KLHL7: variants seen among roughly 807,000 people sequenced by gnomAD.
KLHL7 encodes kelch-like protein 7.
A neutral mutation model predicts 67.4 loss-of-function variants in KLHL7; 44 were observed. The observed-to-expected ratio is 0.65, with a 90% CI of 0.51 to 0.84. The LOEUF (loss-of-function observed/expected upper bound fraction) is 0.84. KLHL7 is among the 40% of genes least tolerant of loss of function. The pLI, the probability that KLHL7 is intolerant of heterozygous loss-of-function variation, is 0.00. For missense variants in KLHL7, 362 were observed against 718.1 expected, an observed-to-expected ratio of 0.50 and a Z score of 5.67; for synonymous variants, 252 against 243.3, an observed-to-expected ratio of 1.04 and a Z score of -0.33.
intron 4 of KLHL7, chr7:23,125,740 G>A: frequency 6.8e-7 from 1 of 1,473,758 alleles, no homozygotes; most frequent in Non-Finnish European, 9.0e-7. Context: ...TATTAATAAA[G>A]TATTTTCTAT....
chr7:23,123,629 T>A (rs1783441691), intron 1 of KLHL7, 148 bp from the exon 2 acceptor site: 4 of 647,212 alleles, frequency 6.2e-6, no homozygotes, highest in Non-Finnish European at 8.1e-6. Flanking sequence ...CCTTTCTAAA[T>A]ATGTCTTCAA....
At chr7:23,169,898 T>C (rs111842108) in intron 9 of KLHL7, among the ~76,000 whole-genome samples, 2,709 of 152,216 alleles carry the variant, frequency 0.018, 62 homozygotes, top group African/African-American at 0.056. Context: ...AAATAAATGT[T>C]ATATTATTTC....
intron 1 of KLHL7, chr7:23,117,726 T>A: frequency 9.5e-7 from 1 of 1,050,548 alleles, no homozygotes; most frequent in Non-Finnish European, 1.3e-6. Flanking sequence ...TTTTAATGTT[T>A]CTTAGCCTTT....
intron 1 of KLHL7, among the ~76,000 whole-genome samples, chr7:23,109,608 AC>A (rs773264295): frequency 6.6e-6 from 1 of 152,206 alleles, no homozygotes; most frequent in East Asian, 1.9e-4. Flanking sequence ...TGGGCAGTTA[AC>A]TGGGCTCACC....
chr7:23,155,078 A>G (rs1406079), intron 7 of KLHL7, among the ~76,000 whole-genome samples: 139,007 of 152,236 alleles, frequency 0.91, 63,779 homozygotes, highest in East Asian at 0.99. Flanking sequence ...GACTGTCCCT[A>G]TTGGCCCGCT....
chr7:23,166,605 C>T (rs1388479602), intron 8 of KLHL7, among the ~76,000 whole-genome samples: 2 of 152,126 alleles, frequency 1.3e-5, no homozygotes, highest in African/African-American at 2.4e-5. Flanking sequence ...ACTAGGGAGA[C>T]CGTAAATGGT....
At chr7:23,156,274 G>A in intron 7 of KLHL7, 1 of 199,130 alleles carries the variant, frequency 5.0e-6, no homozygotes, top group Non-Finnish European at 1.0e-5. Flanking sequence ...AATATTGACA[G>A]AAAAAGAAGT....
intron 4 of KLHL7, chr7:23,129,397 G>A (rs551178756): frequency 2.3e-4 from 91 of 387,388 alleles, no homozygotes; most frequent in South Asian, 2.0e-3. Context: ...GTTACGACTC[G>A]GCTGGCCCTT....
At position 23,165,812 on chromosome 7, in the gene KLHL7, C is replaced by T. The variant is rs746612410; in HGVS notation, c.1051C>T (p.Arg351Ter). The change falls in exon 8 of 11, where the codon CGA (arginine) becomes TGA (stop). Residue 351 changes from arginine (R) to a stop codon, truncating the protein, a stop_gained. Transcript: ENST00000339077. LOFTEE classifies it high-confidence loss of function. ...LGGSQLFPIKRMDCYNVVKDS... is the reference protein window; with the variant it reads ...LGGSQLFPIK ...AGGCTCTCAGCTTTTCCCAATAAAGCGAATGGACTGCTATAATGTAGTGAA... is the reference window on the plus strand; with the variant it reads ...AGGCTCTCAGCTTTTCCCAATAAAGTGAATGGACTGCTATAATGTAGTGAA... 1.4e-5 allele frequency: 22 copies of T among 1,613,976 alleles called. No individual in the cohort carries two copies. The highest frequency in any genetic ancestry group is 1.8e-5 in the Non-Finnish European group (21 of 1,180,008).
At chr7:23,157,459 T>G (rs915490736) in intron 7 of KLHL7, among the ~76,000 whole-genome samples, 1 of 152,178 alleles carries the variant, frequency 6.6e-6, no homozygotes, top group Non-Finnish European at 1.5e-5. Context: ...TCTCTGCAGT[T>G]TGTGCATGAA....
At chr7:23,170,220 C>T (rs934483156) in intron 9 of KLHL7, among the ~76,000 whole-genome samples, 1 of 151,994 alleles carries the variant, frequency 6.6e-6, no homozygotes, top group African/African-American at 2.4e-5. Flanking sequence ...GTCTCAAAAA[C>T]AAAAACAAAA....
intron 4 of KLHL7, among the ~76,000 whole-genome samples, chr7:23,136,088 G>T (rs1180408090): frequency 6.6e-6 from 1 of 152,154 alleles, no homozygotes; most frequent in Non-Finnish European, 1.5e-5. Context: ...AGACCATAGG[G>T]CAGAGATCAA....
At chr7:23,121,961 C>G (rs1301482910) in intron 1 of KLHL7, among the ~76,000 whole-genome samples, 2 of 152,130 alleles carry the variant, frequency 1.3e-5, no homozygotes, top group African/African-American at 2.4e-5. Flanking sequence ...GGATTACAGG[C>G]ATGAGTCGCT....
intron 1 of KLHL7, among the ~76,000 whole-genome samples, chr7:23,122,967 G>A (rs10271613): frequency 0.43 from 65,910 of 151,916 alleles, 15,737 homozygotes; most frequent in African/African-American, 0.64. Context: ...CTTTAACTTC[G>A]TTAAGAAATT....
chr7:23,129,464 C>T (rs944130394), intron 4 of KLHL7: 68 of 338,798 alleles, frequency 2.0e-4, no homozygotes, highest in African/African-American at 1.3e-3. Flanking sequence ...CTGCCATAGG[C>T]AGAAGCCCTA....
intron 4 of KLHL7, among the ~76,000 whole-genome samples, chr7:23,127,548 A>G (rs1308253862): frequency 6.6e-6 from 1 of 151,982 alleles, no homozygotes; most frequent in Non-Finnish European, 1.5e-5. Context: ...CTTAGTTTTC[A>G]CCACCTGTCA....
In KLHL7 at chr7:23,173,038, T is replaced by C. The variant is rs771896666; in HGVS notation, c.1470T>C (p.Asn490=). 1 of 1,611,118 alleles carries C rather than the reference T, an allele frequency of 6.2e-7. No individual in the cohort carries two copies. Among genetic ancestry groups the C allele is most frequent in the South Asian group, 1.1e-5 (1 of 91,016 alleles). The change falls in exon 10 of 11, where the codon AAT becomes AAC. Residue 490 remains asparagine (N), a synonymous_variant. Coordinates refer to ENST00000339077, the MANE Select transcript of KLHL7 (RefSeq NM_001031710.3). ...KDKIFAVGGQ[N]GLGGLDNVEY... ...AGATATTTGCTGTGGGTGGTCAGAA[T>C]GGTTTAGGTATGTGATGTTAATTCA...
intron 9 of KLHL7, 126 bp downstream of exon 9, chr7:23,168,163 T>C: frequency 1.2e-6 from 1 of 864,402 alleles, no homozygotes; most frequent in Non-Finnish European, 1.9e-6. Flanking sequence ...ATATAAACTT[T>C]TGAGTGTGCT....
rs1028226813 is a variant in KLHL7, at chr7:23,123,974, G to A, written c.223+95G>A. 5.5e-6 allele frequency: 5 copies of A among 907,740 alleles called. No individual in the cohort carries two copies. The Admixed American group carries it at 1.0e-4, about 18-fold the overall frequency. The allele number at this position is 907,740 out of a possible 1,614,324, so 56.2% of individuals were successfully genotyped here. A position where few individuals can be genotyped will look rare whatever the true frequency, so the allele number is the denominator to read the frequency against. On this transcript the variant is annotated intron_variant, in intron 2 of 10. Coordinates refer to ENST00000339077, the MANE Select transcript of KLHL7 (RefSeq NM_001031710.3). Reference sequence around the variant, plus strand: ...TGTCATTTTTCTAATTTTTAAAGCAGTTAAGAACTTAAGGCCACAGAACAG... The same window carrying A: ...TGTCATTTTTCTAATTTTTAAAGCAATTAAGAACTTAAGGCCACAGAACAG...
Sources: gnomAD v4.1 joint callset for allele counts (sites outside exome capture counted in the v4.1 genomes callset) on GRCh38, gnomAD v4.1.1 for gene constraint, MANE v1.5 for transcripts, NCBI Gene and HGNC (gene_info 2026-07-23, HGNC 2026-07-21) for gene names.